Variants in ADARB2 observed in about 807,000 individuals in gnomAD.
ADARB2 encodes the protein adenosine deaminase RNA specific B2 (inactive), also known as inactive double-stranded RNA-specific editase B2.
Under a neutral mutation model 62.2 loss-of-function variants are expected in ADARB2, and 25 were observed. That is an observed-to-expected ratio of 0.40 (90% CI 0.29 to 0.56). The LOEUF (loss-of-function observed/expected upper bound fraction) is 0.56. Ranked by LOEUF, ADARB2 falls within the 20% of genes least tolerant of loss-of-function variation. ADARB2 has a pLI of 0.43. For synonymous variants in ADARB2, 572 were observed against 500.8 expected (o/e 1.14, Z -1.90); for missense variants, 1,071 against 1,077.4 (o/e 0.99, Z 0.08).
At chr10:1,412,151 C>T (rs1448684062) in intron 1 of ADARB2, among the ~76,000 whole-genome samples, 4 of 152,064 alleles carry the variant, frequency 2.6e-5, no homozygotes, top group East Asian at 1.9e-4. Context: ...CCCTTTTCTC[C>T]GCTGAGCTGA....
chr10:1,374,733 T>C (rs1038906003), intron 2 of ADARB2, among the ~76,000 whole-genome samples: 5 of 152,202 alleles, frequency 3.3e-5, no homozygotes, highest in African/African-American at 9.6e-5. Flanking sequence ...TGCGGTATCA[T>C]TGGGACCGCA....
chr10:1,305,633 C>A lies in ADARB2; in HGVS notation c.1078-34564G>T, dbSNP rs1831619768. Among the ~76,000 whole-genome samples, 2 of 151,782 alleles carry A rather than the reference C, an allele frequency of 1.3e-5. 1 individual carries two copies. Among genetic ancestry groups the A allele is most frequent in the South Asian group, 4.2e-4 (2 of 4,804 alleles). On this transcript the variant is annotated intron_variant, in intron 3 of 9. Transcript: ENST00000381312. Reference sequence around the variant, plus strand: ...ATTTTAGACCAATATCCTTGATGAACATTGATGCAAAAATCCTCAATAAAA... The same window carrying A: ...ATTTTAGACCAATATCCTTGATGAAAATTGATGCAAAAATCCTCAATAAAA...
chr10:1,720,560 G>A (rs1490030706), intron 1 of ADARB2, among the ~76,000 whole-genome samples: 1 of 152,138 alleles, frequency 6.6e-6, no homozygotes, highest in East Asian at 1.9e-4. Flanking sequence ...AAAAAAATAG[G>A]TTAACTTGTA....
At chr10:1,546,877 T>A (rs1337791669) in intron 1 of ADARB2, among the ~76,000 whole-genome samples, 1 of 152,108 alleles carries the variant, frequency 6.6e-6, no homozygotes, top group Non-Finnish European at 1.5e-5. Context: ...AAGGCGGGAA[T>A]GCGATGAGGG....
chr10:1,508,065 C>T (rs966326423), intron 1 of ADARB2, among the ~76,000 whole-genome samples: 9 of 152,294 alleles, frequency 5.9e-5, no homozygotes, highest in African/African-American at 2.2e-4. Context: ...TCACACAATT[C>T]CCGAGTGGTG....
At chr10:1,372,812 C>A (rs139441929) in intron 2 of ADARB2, among the ~76,000 whole-genome samples, 1 of 152,146 alleles carries the variant, frequency 6.6e-6, no homozygotes. Flanking sequence ...ATTGCATACT[C>A]ATAGTATATT....
At chr10:1,296,503 G>C (rs1831524394) in intron 3 of ADARB2, among the ~76,000 whole-genome samples, 1 of 152,132 alleles carries the variant, frequency 6.6e-6, no homozygotes, top group South Asian at 2.1e-4. Context: ...CACCTAACTG[G>C]CGGCAGAGAA....
chr10:1,535,247 CA>C (rs973431214), intron 1 of ADARB2, among the ~76,000 whole-genome samples: 2 of 152,186 alleles, frequency 1.3e-5, no homozygotes, highest in African/African-American at 4.8e-5. Flanking sequence ...TTCTCTCCTC[CA>C]GCTGAGCAAA....
At chr10:1,277,628 A>T (rs1589175115) in intron 3 of ADARB2, among the ~76,000 whole-genome samples, 1 of 152,202 alleles carries the variant, frequency 6.6e-6, no homozygotes, top group Non-Finnish European at 1.5e-5. Flanking sequence ...TACCAACCAA[A>T]AAAAGTCCAG....
intron 1 of ADARB2, among the ~76,000 whole-genome samples, chr10:1,418,709 G>A (rs1289522020): frequency 6.6e-6 from 1 of 152,096 alleles, no homozygotes; most frequent in East Asian, 1.9e-4. Context: ...CCTCCTCAGT[G>A]CCCTAGCTAG....
chr10:1,267,966 A>G (rs1831222514), intron 4 of ADARB2, among the ~76,000 whole-genome samples: 1 of 152,236 alleles, frequency 6.6e-6, no homozygotes, highest in South Asian at 2.1e-4. Flanking sequence ...GATGGTGTAA[A>G]GATGTAACAC....
chr10:1,360,418 C>G (rs1289013715), intron 3 of ADARB2, among the ~76,000 whole-genome samples: 1 of 152,182 alleles, frequency 6.6e-6, no homozygotes, highest in Non-Finnish European at 1.5e-5. Context: ...GACCAGGGGT[C>G]TGCGTGGACA....
At chr10:1,339,719 C>A (rs566155895) in intron 3 of ADARB2, among the ~76,000 whole-genome samples, 5 of 152,316 alleles carry the variant, frequency 3.3e-5, no homozygotes, top group African/African-American at 1.2e-4. Context: ...GCTGCTCTGG[C>A]CCCTGCTCTG....
intron 1 of ADARB2, among the ~76,000 whole-genome samples, chr10:1,394,254 C>T (rs1458366775): frequency 6.6e-6 from 1 of 152,214 alleles, no homozygotes; most frequent in Non-Finnish European, 1.5e-5. Flanking sequence ...AGTCCATCTA[C>T]TCAAAACTGG....
At chr10:1,284,630 A>G (rs1475606542) in intron 3 of ADARB2, among the ~76,000 whole-genome samples, 3 of 152,212 alleles carry the variant, frequency 2.0e-5, no homozygotes, top group African/African-American at 7.2e-5. Flanking sequence ...GAGATTTGGT[A>G]GCTCGGCCAA....
intron 1 of ADARB2, among the ~76,000 whole-genome samples, chr10:1,460,898 C>CCT (rs1831166299): frequency 8.9e-6 from 1 of 111,780 alleles, no homozygotes; most frequent in Non-Finnish European, 2.0e-5. Flanking sequence ...ACCTGCGTTA[C>CCT]GAACCTGCCT....
chr10:1,229,695 C>CAT (rs58851361), intron 6 of ADARB2, among the ~76,000 whole-genome samples: 1 of 139,668 alleles, frequency 7.2e-6, no homozygotes, highest in African/African-American at 3.0e-5. Flanking sequence ...TGTGTGTGCA[C>CAT]ATGTGCTTAT....
rs748000735 is a variant in ADARB2, at chr10:1,379,204, C to A, written c.101-44G>T. ...GAAATGCACTTTTGACATGGAGTTG[C>A]GGAAAAACTCAATGCTTTTATAAGT... On this transcript the variant is annotated intron_variant, in intron 1 of 9. Coordinates refer to ENST00000381312, the MANE Select transcript of ADARB2 (RefSeq NM_018702.4). The A allele has an allele frequency of 4.1e-6, 6 of 1,473,654 alleles. No homozygotes were observed. The African/African-American group carries it at 5.6e-5, about 14-fold the overall frequency. The allele number at this position is 1,473,654 out of a possible 1,614,324, so 91.3% of individuals were successfully genotyped here. A position where few individuals can be genotyped will look rare whatever the true frequency, so the allele number is the denominator to read the frequency against.
intron 1 of ADARB2, among the ~76,000 whole-genome samples, chr10:1,672,199 G>A (rs150743192): frequency 1.3e-5 from 2 of 152,090 alleles, no homozygotes; most frequent in Admixed American, 6.5e-5. Context: ...CTGTCTCCAC[G>A]GGCACTGCCA....
Sources: gnomAD v4.1 joint callset for allele counts (sites outside exome capture counted in the v4.1 genomes callset) on GRCh38, gnomAD v4.1.1 for gene constraint, MANE v1.5 for transcripts, NCBI Gene and HGNC (gene_info 2026-07-23, HGNC 2026-07-21) for gene names.